Variants in TMEM125 observed in about 807,000 individuals in gnomAD.
TMEM125 encodes transmembrane protein 125.
Under a neutral mutation model 8.7 loss-of-function variants are expected in TMEM125, and 11 were observed. The observed-to-expected ratio is 1.26, with a 90% CI of 0.79 to 2.08. The LOEUF is 2.08. Ranked by LOEUF, TMEM125 falls within the 30% of genes most tolerant of loss-of-function variation. TMEM125 has a pLI of 0.00. For synonymous variants in TMEM125, 144 were observed against 146.1 expected (o/e 0.99, Z 0.10); for missense variants, 270 against 302.4 (o/e 0.89, Z 0.79).
In TMEM125 at chr1:43,272,754, G is replaced by A; in HGVS notation, c.32G>A (p.Gly11Asp). The A allele has an allele frequency of 6.6e-7, 1 of 1,516,660 alleles. No homozygotes were observed. Among genetic ancestry groups the A allele is most frequent in the Non-Finnish European group, 8.8e-7 (1 of 1,132,964 alleles). 94.0% of individuals were successfully genotyped at this position (1,516,660 alleles called of 1,614,324 possible). MSEQEAQAPG[G>D]RGLPPDMLAE... The stretch of plus-strand genomic sequence containing the variant: ...GAACAGGAGGCTCAAGCCCCAGGGG[G>A]CCGGGGGCTGCCCCCGGACATGCTG... Residue 11 changes from glycine (G) to aspartate (D), a missense_variant, in exon 4 of 4, where the codon GGC (glycine) becomes GAC (aspartate). Transcript: ENST00000439858. The surrounding 1 kb of genome is among the most constrained non-coding windows in gnomAD (Gnocchi z 5.0).
In TMEM125 at chr1:43,273,335, G is replaced by C. The variant is rs1311611827; in HGVS notation, c.613G>C (p.Ala205Pro). The change falls in exon 4 of 4, where the codon GCT becomes CCT. Residue 205 changes from alanine (A) to proline (P), a missense_variant. Physicochemically the swap from Ala to Pro is conservative, Grantham distance 27. Transcript: ENST00000439858. The part of the protein sequence containing the change: ...SIFSISGQLS[A>P]GRRHETTSSI... ...CTTCAGCATCTCAGGACAGTTGTCT[G>C]CTGGCCGGCGTCACGAGACCACATC... 1.9e-6 allele frequency: 3 copies of C among 1,612,530 alleles called. No homozygotes were observed. In the African/African-American group the frequency reaches 4.0e-5, roughly 22 times the overall value.
Position 43,272,883 on chromosome 1 carries a change from C to T in TMEM125, c.161C>T (p.Ala54Val). The T allele has an allele frequency of 6.3e-7, 1 of 1,588,032 alleles. No individual in the cohort carries two copies. Among genetic ancestry groups the T allele is most frequent in the Non-Finnish European group, 8.6e-7 (1 of 1,164,496 alleles). Reference protein sequence around the residue: ...LVAGCGAGGVALLSTTSSRSG... With the variant: ...LVAGCGAGGVVLLSTTSSRSG... ...GCAGGCTGTGGCGCGGGCGGCGTGG[C>T]ACTGCTGTCAACCACCAGCAGCCGC... The change falls in exon 4 of 4, where the codon GCA becomes GTA. Residue 54 changes from alanine to valine, a missense_variant. This residue lies in a region of TMEM125 where 215 missense variants were observed against 216.5 expected (regional missense o/e 0.99). Coordinates refer to ENST00000439858, the MANE Select transcript of TMEM125 (RefSeq NM_144626.3). The surrounding 1 kb of genome is among the most constrained non-coding windows in gnomAD (Gnocchi z 5.0).
At position 43,272,592 on chromosome 1, in the gene TMEM125, A is replaced by G. The variant is rs773921542; in HGVS notation, c.-131A>G. 3.6e-4 allele frequency: 282 copies of G among 778,674 alleles called. 1 individual carries two copies. Among genetic ancestry groups the G allele is most frequent in the Non-Finnish European group, 5.0e-4 (265 of 530,354 alleles). The allele number at this position is 778,674 out of a possible 1,614,324, so 48.2% of individuals were successfully genotyped here. A position where few individuals can be genotyped will look rare whatever the true frequency, so the allele number is the denominator to read the frequency against. On this transcript the variant is annotated 5_prime_UTR_variant, in exon 4 of 4. The change creates a new upstream start codon in the 5' untranslated region. Coordinates refer to ENST00000439858, the MANE Select transcript of TMEM125 (RefSeq NM_144626.3). The surrounding 1 kb of genome is among the most constrained non-coding windows in gnomAD (Gnocchi z 5.0). ...TTCCCCTACAGGTGAGGGTGACCATATCCTGGACTGTGAGAGGAATGGGAC... is the reference window on the plus strand; with the variant it reads ...TTCCCCTACAGGTGAGGGTGACCATGTCCTGGACTGTGAGAGGAATGGGAC...
rs79096636 is a variant in TMEM125, at chr1:43,272,618, T to C, written c.-105T>C. ...TCCTGGACTGTGAGAGGAATGGGAC[T>C]CTGGGCCTGTAGCTGCCAAGCAGGT... On this transcript the variant is annotated 5_prime_UTR_variant, in exon 4 of 4. Coordinates refer to ENST00000439858, the MANE Select transcript of TMEM125 (RefSeq NM_144626.3). The surrounding 1 kb of genome is among the most constrained non-coding windows in gnomAD (Gnocchi z 5.0). 4.8e-3 allele frequency: 5,010 copies of C among 1,035,856 alleles called. 161 individuals are homozygous for C. In the African/African-American group the frequency reaches 0.072, roughly 15 times the overall value. The allele number at this position is 1,035,856 out of a possible 1,614,324, so 64.2% of individuals were successfully genotyped here. A position where few individuals can be genotyped will look rare whatever the true frequency, so the allele number is the denominator to read the frequency against.
chr1:43,273,065 C>G lies in TMEM125; in HGVS notation c.343C>G (p.Leu115Val), dbSNP rs749148442. ...GCGCAGTGGTGGAGGGGCCGACGCC[C>G]TCGTGGTGCTGCTCAGTGGCCTCGT... ...LLRSGGGADA[L>V]VVLLSGLVLL... Residue 115 changes from leucine to valine, a missense_variant, in exon 4 of 4, where the codon CTC becomes GTC. Leu to Val is a conservative substitution (Grantham distance 32). This residue lies in a region of TMEM125 where 215 missense variants were observed against 216.5 expected (regional missense o/e 0.99). Transcript: ENST00000439858. The G allele has an allele frequency of 2.5e-6, 4 of 1,610,520 alleles. No individual in the cohort carries two copies. In the Admixed American group the frequency reaches 6.7e-5, roughly 27 times the overall value.
In TMEM125 at chr1:43,272,810, C is replaced by A; in HGVS notation, c.88C>A (p.Gln30Lys). ...GCAGGTGGAGCTGTGGTGGTCCCAG[C>A]AGCCGCGGCGCTCGGCGCTCTGCTT... ...AEQVELWWSQ[Q>K]PRRSALCFVV... is the part of the protein sequence containing the mutation. The change falls in exon 4 of 4, where the codon CAG becomes AAG. Residue 30 changes from glutamine to lysine, a missense_variant. Coordinates refer to ENST00000439858, the MANE Select transcript of TMEM125 (RefSeq NM_144626.3). The surrounding 1 kb of genome is among the most constrained non-coding windows in gnomAD (Gnocchi z 5.0). 6.4e-7 allele frequency: 1 copy of A among 1,565,022 alleles called. No homozygotes were observed. The highest frequency in any genetic ancestry group is 8.7e-7 in the Non-Finnish European group (1 of 1,152,080).
Position 43,273,475 on chromosome 1 carries a change from G to A in TMEM125, c.*93G>A, listed in dbSNP as rs1646510300. Reference sequence around the variant, plus strand: ...GCATGTGAACGTTGAGTACACATGAGTGCGTGTATGCCCCCAGGCTGGGTC... The same window carrying A: ...GCATGTGAACGTTGAGTACACATGAATGCGTGTATGCCCCCAGGCTGGGTC... On this transcript the variant is annotated 3_prime_UTR_variant, in exon 4 of 4. Coordinates refer to ENST00000439858, the MANE Select transcript of TMEM125 (RefSeq NM_144626.3). 3 of 1,447,022 alleles carry A rather than the reference G, an allele frequency of 2.1e-6. No individual in the cohort carries two copies. The highest frequency in any genetic ancestry group is 2.7e-5 in the South Asian group (2 of 73,152). The allele number at this position is 1,447,022 out of a possible 1,614,324, so 89.6% of individuals were successfully genotyped here. A position where few individuals can be genotyped will look rare whatever the true frequency, so the allele number is the denominator to read the frequency against.
At position 43,272,649 on chromosome 1, in the gene TMEM125, G is replaced by A. The variant is rs928957736; in HGVS notation, c.-74G>A. ...CCTGTAGCTGCCAAGCAGGTGGCAG[G>A]TGCTCCAGGCTGTGATCTGAACCCT... On this transcript the variant is annotated 5_prime_UTR_variant, in exon 4 of 4. The change creates a new upstream start codon in the 5' untranslated region. Coordinates refer to ENST00000439858, the MANE Select transcript of TMEM125 (RefSeq NM_144626.3). The surrounding 1 kb of genome is among the most constrained non-coding windows in gnomAD (Gnocchi z 5.0). 14 of 1,333,290 alleles carry A rather than the reference G, an allele frequency of 1.1e-5. No homozygotes were observed. The African/African-American group carries it at 2.1e-4, about 20-fold the overall frequency. 82.6% of individuals were successfully genotyped at this position (1,333,290 alleles called of 1,614,324 possible). A position where few individuals can be genotyped will look rare whatever the true frequency, so the allele number is the denominator to read the frequency against.
rs936257621 is a variant in TMEM125 at position 43,271,711 on chromosome 1, A to G, written c.-301-473A>G. Among the ~76,000 whole-genome samples the G allele has an allele frequency of 8.5e-5, 13 of 152,196 alleles. No homozygotes were observed. The highest frequency in any genetic ancestry group is 3.1e-4 in the African/African-American group (13 of 41,444). ...GTGTGGAGAAGAGCAAGGGGAGCAG[A>G]AAGACCAGTGAGGAGGTGGAGGCGG... On this transcript the variant is annotated intron_variant, in intron 2 of 3. Transcript: ENST00000439858. This position sits in a 1 kb window ranked among gnomAD's most constrained non-coding sequence, Gnocchi z 4.9.
In TMEM125 at chr1:43,271,883, G is replaced by A. The variant is rs1330961490; in HGVS notation, c.-301-301G>A. On this transcript the variant is annotated intron_variant, in intron 2 of 3. Transcript: ENST00000439858. This position sits in a 1 kb window ranked among gnomAD's most constrained non-coding sequence, Gnocchi z 4.9. ...ATGCCTGAAGTGAGGAACGCAGAAGGAACAGGTTGGAGTAAGACAACGAGC... is the reference window on the plus strand; with the variant it reads ...ATGCCTGAAGTGAGGAACGCAGAAGAAACAGGTTGGAGTAAGACAACGAGC... 6.6e-6 allele frequency among the ~76,000 whole-genome samples: 1 copy of A among 152,204 alleles called. No individual in the cohort carries two copies. Among genetic ancestry groups the A allele is most frequent in the Non-Finnish European group, 1.5e-5 (1 of 68,040 alleles).
At position 43,272,701 on chromosome 1, in the gene TMEM125, C is replaced by T; in HGVS notation, c.-22C>T. On this transcript the variant is annotated 5_prime_UTR_variant, in exon 4 of 4. Transcript: ENST00000439858. This position sits in a 1 kb window ranked among gnomAD's most constrained non-coding sequence, Gnocchi z 5.0. Reference sequence around the variant, plus strand: ...TGACCCCTGACATTGACCTCCTACCCTGACCCCTGCCTGACCAAGCCATGT... The same window carrying T: ...TGACCCCTGACATTGACCTCCTACCTTGACCCCTGCCTGACCAAGCCATGT... The T allele has an allele frequency of 6.7e-7, 1 of 1,484,270 alleles. No homozygotes were observed. Among genetic ancestry groups the T allele is most frequent in the Non-Finnish European group, 8.9e-7 (1 of 1,121,068 alleles). The allele number at this position is 1,484,270 out of a possible 1,614,324, so 91.9% of individuals were successfully genotyped here. A position where few individuals can be genotyped will look rare whatever the true frequency, so the allele number is the denominator to read the frequency against.
rs1646510614 is a variant in TMEM125, at chr1:43,273,514, A to G, written c.*132A>G. ...CCAGGCTGGGTCAGCTCTTCTGTGG[A>G]TTGCATGGCGTGTGATTAAAAGCCC... On this transcript the variant is annotated 3_prime_UTR_variant, in exon 4 of 4. Coordinates refer to ENST00000439858, the MANE Select transcript of TMEM125 (RefSeq NM_144626.3). 3.4e-6 allele frequency: 4 copies of G among 1,190,038 alleles called. No homozygotes were observed. Among genetic ancestry groups the G allele is most frequent in the East Asian group, 5.2e-5 (2 of 38,656 alleles). The allele number at this position is 1,190,038 out of a possible 1,614,324, so 73.7% of individuals were successfully genotyped here. A position where few individuals can be genotyped will look rare whatever the true frequency, so the allele number is the denominator to read the frequency against.
Position 43,273,015 on chromosome 1 carries a change from G to A in TMEM125, c.293G>A (p.Arg98His), listed in dbSNP as rs774265714. ...SSAVQDMNCI[R>H]QAHHVALLRS... is the part of the protein sequence containing the mutation. ...GCTGTGCAGGACATGAACTGCATCC[G>A]CCAGGCCCACCATGTGGCCCTGCTG... The change falls in exon 4 of 4, where the codon CGC becomes CAC. Residue 98 changes from arginine (R) to histidine (H), a missense_variant. Physicochemically the swap from Arg to His is conservative, Grantham distance 29 (BLOSUM62 0). Coordinates refer to ENST00000439858, the MANE Select transcript of TMEM125 (RefSeq NM_144626.3). 1.4e-5 allele frequency: 23 copies of A among 1,612,382 alleles called. No homozygotes were observed. Among genetic ancestry groups the A allele is most frequent in the South Asian group, 9.9e-5 (9 of 90,956 alleles).
rs1646501843 is a variant in TMEM125 at position 43,272,840 on chromosome 1, G to A, written c.118G>A (p.Val40Met). The change falls in exon 4 of 4, where the codon GTG becomes ATG. Residue 40 changes from valine to methionine, a missense_variant. Coordinates refer to ENST00000439858, the MANE Select transcript of TMEM125 (RefSeq NM_144626.3). The surrounding 1 kb of genome is among the most constrained non-coding windows in gnomAD (Gnocchi z 5.0). ...QPRRSALCFV[V>M]AVGLVAGCGA... The stretch of plus-strand genomic sequence containing the variant: ...GCGGCGCTCGGCGCTCTGCTTCGTC[G>A]TGGCCGTGGGCCTCGTGGCAGGCTG... The A allele has an allele frequency of 2.5e-6, 4 of 1,576,360 alleles. No individual in the cohort carries two copies. The highest frequency in any genetic ancestry group is 2.3e-5 in the East Asian group (1 of 43,416).
Position 43,272,934 on chromosome 1 carries a change from G to T in TMEM125, c.212G>T (p.Gly71Val), listed in dbSNP as rs1206993038. The T allele has an allele frequency of 1.2e-6, 2 of 1,603,868 alleles. No homozygotes were observed. Among genetic ancestry groups the T allele is most frequent in the African/African-American group, 1.3e-5 (1 of 74,694 alleles). ...TCAGGTGAATGGCGGCTAGCAACGG[G>T]CACTGTGCTCTGTTTGCTGGCTCTG... ...SRSGEWRLAT[G>V]TVLCLLALLV... is the part of the protein sequence containing the mutation. The change falls in exon 4 of 4, where the codon GGC becomes GTC. Residue 71 changes from glycine (G) to valine (V), a missense_variant. Physicochemically the swap from Gly to Val is moderately radical, Grantham distance 109. This residue lies in a region of TMEM125 where 215 missense variants were observed against 216.5 expected (regional missense o/e 0.99). Transcript: ENST00000439858. The surrounding 1 kb of genome is among the most constrained non-coding windows in gnomAD (Gnocchi z 5.0).
chr1:43,273,189 C>T lies in TMEM125; in HGVS notation c.467C>T (p.Ala156Val), dbSNP rs1464423142. Residue 156 changes from alanine (A) to valine (V), a missense_variant, in exon 4 of 4, where the codon GCC becomes GTC. By Grantham distance (64) the Ala-to-Val change is moderately conservative. Transcript: ENST00000439858. ...CTGTCTGTGGGCATTGCTCTGGCTG[C>T]CTTGGGCTCGCTTTTGCTGCTGGGC... The part of the protein sequence containing the change: ...AMLSVGIALA[A>V]LGSLLLLGLL... The T allele has an allele frequency of 6.2e-7, 1 of 1,614,044 alleles. No homozygotes were observed. Among genetic ancestry groups the T allele is most frequent in the East Asian group, 2.2e-5 (1 of 44,884 alleles).
At position 43,271,665 on chromosome 1, in the gene TMEM125, G is replaced by A. The variant is rs977280847; in HGVS notation, c.-301-519G>A. ...CCACTTTAGAGAAATCGTGGAGGAG[G>A]ATGGCATGGGGGAATGGCGAGTGTG... is the stretch of plus-strand genomic sequence containing the variant. On this transcript the variant is annotated intron_variant, in intron 2 of 3. Coordinates refer to ENST00000439858, the MANE Select transcript of TMEM125 (RefSeq NM_144626.3). This position sits in a 1 kb window ranked among gnomAD's most constrained non-coding sequence, Gnocchi z 4.9. 3.3e-5 allele frequency among the ~76,000 whole-genome samples: 5 copies of A among 152,208 alleles called. No homozygotes were observed. Among genetic ancestry groups the A allele is most frequent in the Non-Finnish European group, 7.3e-5 (5 of 68,036 alleles).
In TMEM125 at chr1:43,273,027, A is replaced by T; in HGVS notation, c.305A>T (p.His102Leu). Reference sequence around the variant, plus strand: ...ATGAACTGCATCCGCCAGGCCCACCATGTGGCCCTGCTGCGCAGTGGTGGA... The same window carrying T: ...ATGAACTGCATCCGCCAGGCCCACCTTGTGGCCCTGCTGCGCAGTGGTGGA... ...QDMNCIRQAH[H>L]VALLRSGGGA... The change falls in exon 4 of 4, where the codon CAT becomes CTT. Residue 102 changes from histidine to leucine, a missense_variant. By Grantham distance (99) the His-to-Leu change is moderately conservative. Transcript: ENST00000439858. The T allele has an allele frequency of 6.2e-7, 1 of 1,612,524 alleles. No individual in the cohort carries two copies. The highest frequency in any genetic ancestry group is 8.5e-7 in the Non-Finnish European group (1 of 1,179,006).
chr1:43,273,217 G>A lies in TMEM125; in HGVS notation c.495G>A (p.Leu165=), dbSNP rs1044795314. The part of the protein sequence containing the change: ...AALGSLLLLG[L]LLYQVGVSGH... The stretch of plus-strand genomic sequence containing the variant: ...TGGGCTCGCTTTTGCTGCTGGGCCT[G>A]CTGCTGTATCAAGTGGGTGTGAGCG... The change falls in exon 4 of 4, where the codon CTG becomes CTA. Residue 165 remains leucine (L), a synonymous_variant. Transcript: ENST00000439858. 2 of 1,614,208 alleles carry A rather than the reference G, an allele frequency of 1.2e-6. No homozygotes were observed. Among genetic ancestry groups the A allele is most frequent in the Non-Finnish European group, 1.7e-6 (2 of 1,180,038 alleles).
Sources: allele counts gnomAD v4.1 joint callset (sites outside exome capture counted in the v4.1 genomes callset), GRCh38; gene constraint gnomAD v4.1.1; regional missense constraint gnomAD v4.1.1; non-coding constraint Gnocchi (gnomAD v3.1); transcripts MANE v1.5; gene names NCBI Gene and HGNC (gene_info 2026-07-23, HGNC 2026-07-21).